The following DNAH14 variants were observed in gnomAD, a reference collection of about 807,000 sequenced individuals.
DNAH14 encodes the protein axonemal beta dynein heavy chain 14.
DNAH14 carries 478 observed loss-of-function variants against 520.9 expected under a neutral mutation model. That is an observed-to-expected ratio of 0.92 (90% CI 0.85 to 0.99). The LOEUF (loss-of-function observed/expected upper bound fraction) is 0.99. Among genes scored for constraint, DNAH14 ranks in the 50% least tolerant of loss-of-function variants. DNAH14 has a pLI of 0.00. For missense variants in DNAH14, 4,831 were observed against 5,234.5 expected (o/e 0.92, Z 2.38); for synonymous variants, 1,581 against 1,757.2 (o/e 0.90, Z 2.51).
intron 27 of DNAH14, among the ~76,000 whole-genome samples, chr1:225,124,174 G>A (rs954702863): frequency 1.1e-4 from 17 of 152,186 alleles, no homozygotes; most frequent in African/African-American, 3.9e-4. Flanking sequence ...TCATAATATT[G>A]TTGCTGGTGG....
At chr1:224,955,566 A>G (rs1206532997) in intron 3 of DNAH14, among the ~76,000 whole-genome samples, 2 of 151,588 alleles carry the variant, frequency 1.3e-5, no homozygotes, top group African/African-American at 4.9e-5. Context: ...CATTTTCAGG[A>G]TTTGATTTTA....
In DNAH14 at chr1:225,192,731, T is replaced by G; in HGVS notation, c.5706T>G (p.Val1902=). The G allele has an allele frequency of 6.5e-7, 1 of 1,549,532 alleles. No homozygotes were observed. The highest frequency in any genetic ancestry group is 8.7e-7 in the Non-Finnish European group (1 of 1,145,670). Residue 1902 remains valine (V), a synonymous_variant, in exon 38 of 86, where the codon GTT becomes GTG. Coordinates refer to ENST00000682510, the MANE Select transcript of DNAH14 (RefSeq NM_001367479.1). ...GAAAAGGAAAAGTAGATATTTGTGTTTTAAATCCAAAGTGTGTCACTCTCA... is the reference window on the plus strand; with the variant it reads ...GAAAAGGAAAAGTAGATATTTGTGTGTTAAATCCAAAGTGTGTCACTCTCA... ...SERKGKVDIC[V]LNPKCVTLSE...
At chr1:225,210,795 C>G (rs933268025) in intron 41 of DNAH14, among the ~76,000 whole-genome samples, 3 of 152,212 alleles carry the variant, frequency 2.0e-5, no homozygotes, top group African/African-American at 7.2e-5. Flanking sequence ...ATGAAGCTTA[C>G]AGAGGAAGGA....
intron 28 of DNAH14, among the ~76,000 whole-genome samples, chr1:225,142,759 C>G (rs996080309): frequency 6.6e-6 from 1 of 152,016 alleles, no homozygotes; most frequent in African/African-American, 2.4e-5. Context: ...GAAAACCCAT[C>G]TCTACTAAAA....
At chr1:225,193,452 G>C (rs1389230533) in intron 38 of DNAH14, among the ~76,000 whole-genome samples, 1 of 152,130 alleles carries the variant, frequency 6.6e-6, no homozygotes, top group East Asian at 1.9e-4. Flanking sequence ...CTCCTCTGGA[G>C]GCTGAGGCAG....
At chr1:225,094,028 T>C (rs777128107) in intron 21 of DNAH14, among the ~76,000 whole-genome samples, 6 of 152,040 alleles carry the variant, frequency 3.9e-5, no homozygotes, top group African/African-American at 1.4e-4. Context: ...ATAGGAAGAA[T>C]CAATATTACT....
At chr1:225,002,683 T>A in intron 8 of DNAH14, 100 bp from the exon 9 acceptor site, 2 of 1,133,626 alleles carry the variant, frequency 1.8e-6, no homozygotes, top group Non-Finnish European at 2.5e-6. Context: ...GTAAAACATT[T>A]CAACTATAAG....
chr1:225,324,250 C>A lies in DNAH14; in HGVS notation c.9524C>A (p.Thr3175Asn), dbSNP rs2094610122. 1.9e-6 allele frequency: 3 copies of A among 1,551,632 alleles called. No homozygotes were observed. Among genetic ancestry groups the A allele is most frequent in the Middle Eastern group, 1.7e-4 (1 of 5,994 alleles). ...TTCGTGAAGCTAAAAAAAATTGTAA[C>A]CTTACCTGATTTCAACCCACACAAG... is the stretch of plus-strand genomic sequence containing the variant. ...KVFVKLKKIV[T>N]LPDFNPHKIS... is the part of the protein sequence containing the mutation. The change falls in exon 63 of 86, where the codon ACC (threonine) becomes AAC (asparagine). Residue 3175 changes from threonine to asparagine, a missense_variant. By Grantham distance (65) the Thr-to-Asn change is moderately conservative (BLOSUM62 0). Coordinates refer to ENST00000682510, the MANE Select transcript of DNAH14 (RefSeq NM_001367479.1).
At chr1:225,257,030 A>C (rs139407262) in intron 44 of DNAH14, among the ~76,000 whole-genome samples, 1 of 152,294 alleles carries the variant, frequency 6.6e-6, no homozygotes, top group African/African-American at 2.4e-5. Context: ...TTCTGAGATC[A>C]GCAGAGACCC....
chr1:225,236,397 T>G (rs940006587), intron 42 of DNAH14, among the ~76,000 whole-genome samples: 2 of 152,182 alleles, frequency 1.3e-5, no homozygotes, highest in Non-Finnish European at 2.9e-5. Flanking sequence ...GAGACTGTTA[T>G]GATTTCAGTT....
chr1:225,098,096 T>C (rs2075144463), intron 22 of DNAH14, among the ~76,000 whole-genome samples: 1 of 151,220 alleles, frequency 6.6e-6, no homozygotes, highest in Non-Finnish European at 1.5e-5. Context: ...ACTTGGGAGG[T>C]TGAGGTGAGA....
intron 1 of DNAH14, among the ~76,000 whole-genome samples, chr1:224,938,508 TA>T (rs139635212): frequency 0.042 from 6,335 of 152,246 alleles, 213 homozygotes; most frequent in Non-Finnish European, 0.061. Flanking sequence ...TCACTTCAGT[TA>T]AAACGACTTG....
intron 37 of DNAH14, among the ~76,000 whole-genome samples, chr1:225,188,545 C>T (rs1330050980): frequency 1.3e-5 from 2 of 151,954 alleles, no homozygotes; most frequent in African/African-American, 4.8e-5. Context: ...TGGTTTCAGG[C>T]ATCCACTAGG....
At chr1:225,066,247 G>A (rs1156806863) in intron 17 of DNAH14, among the ~76,000 whole-genome samples, 1 of 151,964 alleles carries the variant, frequency 6.6e-6, no homozygotes, top group Non-Finnish European at 1.5e-5. Context: ...CTTATCAGAT[G>A]TATAGCTTGC....
Position 225,399,279 on chromosome 1 carries a change from T to G in DNAH14, c.*10T>G, listed in dbSNP as rs764940717. On this transcript the variant is annotated 3_prime_UTR_variant, in exon 86 of 86. Transcript: ENST00000682510. ...GAAGAATGAAAAATAAATGTCCATA[T>G]CAAACCATTTTAATTTTTGACTCTA... 1.9e-6 allele frequency: 3 copies of G among 1,540,938 alleles called. No homozygotes were observed. The South Asian group carries it at 3.6e-5, about 18-fold the overall frequency.
At position 225,309,008 on chromosome 1, in the gene DNAH14, A is replaced by G. The variant is rs192613716; in HGVS notation, c.9240+598A>G. Among the ~76,000 whole-genome samples the G allele has an allele frequency of 7.9e-5, 12 of 152,366 alleles. No homozygotes were observed. The East Asian group carries it at 2.3e-3, about 29-fold the overall frequency. On this transcript the variant is annotated intron_variant, in intron 60 of 85. Transcript: ENST00000682510. ...AAATACATATGTAAACCTATACTCT[A>G]GTATGTGTGTAAATTATTTATAGAT...
At chr1:224,971,631 T>A (rs1053222630) in intron 7 of DNAH14, among the ~76,000 whole-genome samples, 1 of 152,168 alleles carries the variant, frequency 6.6e-6, no homozygotes, top group Admixed American at 6.5e-5. Flanking sequence ...TTTAGATAGG[T>A]TGGTCAGAGA....
chr1:225,185,891 T>C (rs1366592712), intron 37 of DNAH14, among the ~76,000 whole-genome samples: 1 of 150,476 alleles, frequency 6.6e-6, no homozygotes, highest in African/African-American at 2.4e-5. Flanking sequence ...TTGATCTTGG[T>C]CACTGATAAA....
At chr1:224,935,816 A>C (rs1349502605) in intron 1 of DNAH14, among the ~76,000 whole-genome samples, 1 of 151,910 alleles carries the variant, frequency 6.6e-6, no homozygotes, top group East Asian at 1.9e-4. Flanking sequence ...ATTAGGCCAC[A>C]AAACAAGTCT....
Sources: allele counts gnomAD v4.1 joint callset (sites outside exome capture counted in the v4.1 genomes callset), GRCh38; gene constraint gnomAD v4.1.1; transcripts MANE v1.5; gene names NCBI Gene and HGNC (gene_info 2026-07-23, HGNC 2026-07-21).